PRKAR1B: variants seen among roughly 807,000 people sequenced by gnomAD.
The protein encoded by PRKAR1B is cAMP-dependent protein kinase type I-beta regulatory subunit.
A neutral mutation model predicts 46.5 loss-of-function variants in PRKAR1B; 22 were observed. The observed-to-expected ratio is 0.47, with a 90% CI of 0.34 to 0.68. PRKAR1B has a LOEUF of 0.68. PRKAR1B is among the 30% of genes least tolerant of loss of function. PRKAR1B has a pLI of 0.01. For missense variants in PRKAR1B, 445 were observed against 535.6 expected (o/e 0.83, Z 1.67); for synonymous variants, 259 against 217.7 (o/e 1.19, Z -1.67).
intron 9 of PRKAR1B, chr7:578,800 G>T (rs1250465201): frequency 4.2e-6 from 1 of 237,010 alleles, no homozygotes; most frequent in Non-Finnish European, 8.3e-6. Context: ...TCCTGCTTCA[G>T]CCTCCCAAGT....
chr7:598,486 C>T (rs963432890), intron 6 of PRKAR1B, among the ~76,000 whole-genome samples: 1 of 116,002 alleles, frequency 8.6e-6, no homozygotes, highest in Admixed American at 9.2e-5. Flanking sequence ...ACCCTCCACA[C>T]TAAACACCAT....
intron 2 of PRKAR1B, chr7:691,720 C>G: frequency 8.0e-7 from 1 of 1,249,454 alleles, no homozygotes; most frequent in South Asian, 1.4e-5. Context: ...GTGGACAAAA[C>G]CCCGGGGAGG....
At position 685,298 on chromosome 7, in the gene PRKAR1B, A is replaced by ACGTATATATATATACGTATATATACG. The variant is rs1263590458; in HGVS notation, c.178-4573_178-4572insCGTATATATACGTATATATATATACG. Among the ~76,000 whole-genome samples, 15 of 14,808 alleles carry ACGTATATATATATACGTATATATACG rather than the reference A, an allele frequency of 1.0e-3. 2 individuals carry two copies. The East Asian group carries it at 0.022, about 22-fold the overall frequency. The allele number at this position is 14,808 out of a possible 152,430, so 9.7% of individuals were successfully genotyped here. A position where few individuals can be genotyped will look rare whatever the true frequency, so the allele number is the denominator to read the frequency against. ...TATATACGTATATATATGTATACATATATATATACGTATATATACGTATAT... is the reference window on the plus strand; with the variant it reads ...TATATACGTATATATATGTATACATACGTATATATATATACGTATATATACGTATATATACGTATATATACGTATAT... On this transcript the variant is annotated intron_variant, in intron 2 of 10. Coordinates refer to ENST00000537384, the MANE Select transcript of PRKAR1B (RefSeq NM_001164760.2).
intron 4 of PRKAR1B, among the ~76,000 whole-genome samples, chr7:628,119 T>C (rs941983736): frequency 1.3e-5 from 2 of 152,120 alleles, no homozygotes; most frequent in Non-Finnish European, 2.9e-5. Flanking sequence ...TAACCAGCCA[T>C]CCACGGCCAC....
intron 8 of PRKAR1B, 144 bp from the exon 9 acceptor site, chr7:579,521 G>A (rs1208614291): frequency 1.8e-6 from 2 of 1,125,972 alleles, no homozygotes; most frequent in Non-Finnish European, 2.5e-6. Flanking sequence ...TGCATAAGAT[G>A]AGGCCGTGAC....
rs550086052 is a variant in PRKAR1B, at chr7:627,323, G to A, written c.441-19871C>T. 3.3e-5 allele frequency among the ~76,000 whole-genome samples: 5 copies of A among 152,310 alleles called. No homozygotes were observed. In the South Asian group the frequency reaches 1.0e-3, roughly 32 times the overall value. ...TAACATTTTAATCAGCACTGGCGGA[G>A]GGTAGCGGTGGGGGCCGAGGGATCC... On this transcript the variant is annotated intron_variant, in intron 4 of 10. Transcript: ENST00000537384.
chr7:694,541 C>G (rs868387668), intron 2 of PRKAR1B, among the ~76,000 whole-genome samples: 1 of 152,104 alleles, frequency 6.6e-6, no homozygotes, highest in African/African-American at 2.4e-5. Context: ...ATGTGCCTGG[C>G]GAACTCCTAC....
intron 9 of PRKAR1B, among the ~76,000 whole-genome samples, chr7:575,440 T>C (rs13223534): frequency 0.04 from 6,142 of 152,330 alleles, 152 homozygotes; most frequent in East Asian, 0.12. Flanking sequence ...GCATTCTGTC[T>C]GTCAAGTGTG....
chr7:669,886 G>A (rs1786135511), intron 4 of PRKAR1B, among the ~76,000 whole-genome samples: 1 of 108,566 alleles, frequency 9.2e-6, no homozygotes, highest in Non-Finnish European at 2.0e-5. Context: ...TTTTTTTTGA[G>A]ACGGAGTCTT....
Position 645,982 on chromosome 7 carries a change from G to A in PRKAR1B, c.440+31247C>T, listed in dbSNP as rs766840671. 6.6e-5 allele frequency among the ~76,000 whole-genome samples: 10 copies of A among 152,316 alleles called. No homozygotes were observed. In the South Asian group the frequency reaches 1.2e-3, roughly 19 times the overall value. The stretch of plus-strand genomic sequence containing the variant: ...AGTCCAAGTGTGCACCTGACCCCAC[G>A]AGGCCCACAGCTGAGATTCCGGCTC... On this transcript the variant is annotated intron_variant, in intron 4 of 10. Coordinates refer to ENST00000537384, the MANE Select transcript of PRKAR1B (RefSeq NM_001164760.2).
rs568587283 is a variant in PRKAR1B, at chr7:621,847, T to C, written c.441-14395A>G. Among the ~76,000 whole-genome samples the C allele has an allele frequency of 2.0e-5, 3 of 152,342 alleles. No homozygotes were observed. In the South Asian group the frequency reaches 6.2e-4, roughly 32 times the overall value. ...AGGGAGGACTCAGTGATCATGAGGC[T>C]TGTGAAGCACTCAGCAGAATAAGGG... On this transcript the variant is annotated intron_variant, in intron 4 of 10. Coordinates refer to ENST00000537384, the MANE Select transcript of PRKAR1B (RefSeq NM_001164760.2).
chr7:597,439 T>C (rs1163932965), intron 6 of PRKAR1B, among the ~76,000 whole-genome samples: 1 of 152,120 alleles, frequency 6.6e-6, no homozygotes, highest in African/African-American at 2.4e-5. Flanking sequence ...GTGGGGATCA[T>C]CTCCACCTGG....
intron 9 of PRKAR1B, among the ~76,000 whole-genome samples, chr7:564,465 TG>T (rs1562522072): frequency 6.6e-6 from 1 of 152,154 alleles, no homozygotes; most frequent in East Asian, 1.9e-4. Context: ...CAGGCAAGCC[TG>T]TGGCTCGGAG....
At chr7:559,010 A>G (rs1235299820) in intron 9 of PRKAR1B, among the ~76,000 whole-genome samples, 2 of 152,186 alleles carry the variant, frequency 1.3e-5, no homozygotes, top group African/African-American at 4.8e-5. Context: ...CCAGGTTCCC[A>G]TGGACACAGA....
rs570333099 is a variant in PRKAR1B, at chr7:578,563, C to T, written c.891+693G>A. 7.8e-4 allele frequency among the ~76,000 whole-genome samples: 119 copies of T among 152,356 alleles called. 1 individual carries two copies. Among genetic ancestry groups the T allele is most frequent in the African/African-American group, 2.8e-3 (115 of 41,588 alleles). ...CCCCAACAGTGACCTGCTGTGTACA[C>T]ACAGTGCCACGCCATGGCCGGGATG... On this transcript the variant is annotated intron_variant, in intron 9 of 10. Transcript: ENST00000537384.
intron 7 of PRKAR1B, among the ~76,000 whole-genome samples, chr7:594,155 G>T (rs569093182): frequency 7.9e-4 from 121 of 152,274 alleles, no homozygotes; most frequent in African/African-American, 2.9e-3. Flanking sequence ...TCCTGGAACT[G>T]TGGCTCCCTC....
intron 4 of PRKAR1B, among the ~76,000 whole-genome samples, chr7:632,472 G>C (rs907246294): frequency 2.6e-5 from 4 of 152,264 alleles, no homozygotes; most frequent in African/African-American, 9.6e-5. Flanking sequence ...AGCTCAGGAC[G>C]GCCACTGCGT....
intron 4 of PRKAR1B, among the ~76,000 whole-genome samples, chr7:660,648 A>G (rs1307108072): frequency 7.2e-5 from 6 of 83,154 alleles, no homozygotes; most frequent in South Asian, 4.6e-4. Flanking sequence ...ACCCCAACAG[A>G]TCCAAATACC....
At chr7:728,893 T>C (rs1260463973), upstream of PRKAR1B, among the ~76,000 whole-genome samples, 1 of 151,920 alleles carries the variant, frequency 6.6e-6, no homozygotes, top group Non-Finnish European at 1.5e-5. Context: ...GTTGAGGCGC[T>C]CACCCAAAGT....
Sources: allele counts gnomAD v4.1 joint callset (sites outside exome capture counted in the v4.1 genomes callset), GRCh38; gene constraint gnomAD v4.1.1; transcripts MANE v1.5; gene names NCBI Gene and HGNC (gene_info 2026-07-23, HGNC 2026-07-21).